Variants in SPRED1 observed in about 807,000 individuals in gnomAD.
SPRED1 encodes sprouty-related, EVH1 domain-containing protein 1.
SPRED1 carries 18 observed loss-of-function variants against 52.3 expected under a neutral mutation model. That is an observed-to-expected ratio of 0.34 (90% CI 0.24 to 0.51). The LOEUF is 0.51. Among genes scored for constraint, SPRED1 ranks in the 20% least tolerant of loss-of-function variants. The pLI is 0.97. For synonymous variants in SPRED1, 155 were observed against 179.7 expected, an observed-to-expected ratio of 0.86 and a Z score of 1.10; for missense variants, 485 against 551.0, an observed-to-expected ratio of 0.88 and a Z score of 1.20.
chr15:38,281,776 A>G (rs1048729176), intron 1 of SPRED1, among the ~76,000 whole-genome samples: 2 of 152,090 alleles, frequency 1.3e-5, no homozygotes, highest in African/African-American at 2.4e-5. Context: ...TTGTATAAAA[A>G]TATATAAAAT....
chr15:38,317,256 A>G (rs1895507525), intron 2 of SPRED1, among the ~76,000 whole-genome samples: 1 of 151,960 alleles, frequency 6.6e-6, no homozygotes, highest in East Asian at 1.9e-4. Flanking sequence ...GCTTCTGGCA[A>G]TGGCCTTTAG....
Position 38,349,484 on chromosome 15 carries a change from A to C in SPRED1, c.645A>C (p.Gln215His), listed in dbSNP as rs144227155. The change falls in exon 6 of 7, where the codon CAA (glutamine) becomes CAC (histidine). Residue 215 changes from glutamine to histidine, a missense_variant. Transcript: ENST00000299084. ...QSRSMEYVQR[Q>H]ISKECGSLKS... is the part of the protein sequence containing the mutation. ...GAAGTATGGAATACGTACAGCGGCA[A>C]ATATCCAAGGAATGTGGAAGCCTAA... The C allele has an allele frequency of 6.8e-6, 11 of 1,612,598 alleles. No homozygotes were observed. The African/African-American group carries it at 1.5e-4, about 22-fold the overall frequency.
chr15:38,276,048 G>C (rs1331588830), intron 1 of SPRED1, among the ~76,000 whole-genome samples: 1 of 152,038 alleles, frequency 6.6e-6, no homozygotes, highest in Non-Finnish European at 1.5e-5. Flanking sequence ...ATAGATTCAA[G>C]AAAATTATTT....
intron 5 of SPRED1, among the ~76,000 whole-genome samples, chr15:38,345,688 A>G (rs1476906969): frequency 3.3e-5 from 5 of 152,160 alleles, no homozygotes; most frequent in Non-Finnish European, 5.9e-5. Context: ...GTGGGTTTGC[A>G]TCCCAGCATT....
rs1784478874 is a variant in SPRED1, at chr15:38,353,470, G to A, written c.*1806G>A. 1 of 152,490 alleles carries A rather than the reference G, an allele frequency of 6.6e-6. No individual in the cohort carries two copies. Among genetic ancestry groups the A allele is most frequent in the African/African-American group, 2.4e-5 (1 of 41,438 alleles). 9.4% of individuals were successfully genotyped at this position (152,490 alleles called of 1,614,324 possible). Reference sequence around the variant, plus strand: ...TGATAACTATAGATGTTATGAAGAAGAGGGTATTTCTAGTTTTGTACTAAA... The same window carrying A: ...TGATAACTATAGATGTTATGAAGAAAAGGGTATTTCTAGTTTTGTACTAAA... On this transcript the variant is annotated 3_prime_UTR_variant, in exon 7 of 7. Transcript: ENST00000299084.
intron 1 of SPRED1, among the ~76,000 whole-genome samples, chr15:38,274,507 G>A (rs1894506714): frequency 6.6e-6 from 1 of 152,118 alleles, no homozygotes; most frequent in Admixed American, 6.5e-5. Context: ...TAGACCTACA[G>A]GAGTAAGAAA....
In SPRED1 at chr15:38,354,949, T is replaced by C. The variant is rs1383775384; in HGVS notation, c.*3285T>C. On this transcript the variant is annotated 3_prime_UTR_variant, in exon 7 of 7. Transcript: ENST00000299084. The stretch of plus-strand genomic sequence containing the variant: ...TCATGACAGCTTCAGAGAGTGTGTG[T>C]GTACGTTTTTCTCTCTTTTATTTGA... 6.6e-6 allele frequency: 1 copy of C among 152,266 alleles called. No individual in the cohort carries two copies. The highest frequency in any genetic ancestry group is 1.5e-5 in the Non-Finnish European group (1 of 68,110). The allele number at this position is 152,266 out of a possible 1,614,324, so 9.4% of individuals were successfully genotyped here.
chr15:38,298,168 A>G (rs913453722), intron 1 of SPRED1, among the ~76,000 whole-genome samples: 1 of 152,204 alleles, frequency 6.6e-6, no homozygotes, highest in Non-Finnish European at 1.5e-5. Flanking sequence ...GGATACCACT[A>G]TATACTCAAT....
At chr15:38,266,532 C>T (rs1041667271) in intron 1 of SPRED1, among the ~76,000 whole-genome samples, 6 of 152,088 alleles carry the variant, frequency 3.9e-5, no homozygotes, top group Non-Finnish European at 8.8e-5. Context: ...GTCCCAGCTA[C>T]TCGGGAGTCT....
At chr15:38,322,477 A>T in intron 3 of SPRED1, 68 bp downstream of exon 3, 4 of 1,556,156 alleles carry the variant, frequency 2.6e-6, no homozygotes, top group Non-Finnish European at 3.5e-6. Flanking sequence ...TCTTTCTTAA[A>T]GTTGACCCAA....
chr15:38,317,120 C>T (rs181606780), intron 2 of SPRED1, among the ~76,000 whole-genome samples: 22 of 151,918 alleles, frequency 1.4e-4, no homozygotes, highest in African/African-American at 4.3e-4. Context: ...TTCATTAATA[C>T]GATGGGGACC....
At chr15:38,253,878 A>C (rs1404579831) in intron 1 of SPRED1, among the ~76,000 whole-genome samples, 2 of 152,206 alleles carry the variant, frequency 1.3e-5, no homozygotes, top group Non-Finnish European at 2.9e-5. Flanking sequence ...AGAATTTTGA[A>C]TGCTAATTTT....
At chr15:38,267,073 TAC>T (rs1428003372) in intron 1 of SPRED1, among the ~76,000 whole-genome samples, 5 of 152,308 alleles carry the variant, frequency 3.3e-5, no homozygotes, top group African/African-American at 1.2e-4. Flanking sequence ...GAGCAATAAT[TAC>T]ATCAAAAGAA....
At chr15:38,331,991 A>G (rs1182366356) in intron 4 of SPRED1, among the ~76,000 whole-genome samples, 1 of 152,232 alleles carries the variant, frequency 6.6e-6, no homozygotes, top group South Asian at 2.1e-4. Context: ...GCTAAGTAAT[A>G]TATGACATAT....
chr15:38,306,217 A>G (rs1895247686), intron 2 of SPRED1, among the ~76,000 whole-genome samples: 1 of 152,076 alleles, frequency 6.6e-6, no homozygotes, highest in Admixed American at 6.6e-5. Context: ...GTATTTCCTT[A>G]CTGAGTTACT....
intron 1 of SPRED1, among the ~76,000 whole-genome samples, chr15:38,290,579 A>G (rs1483765999): frequency 1.3e-5 from 2 of 152,208 alleles, no homozygotes; most frequent in Non-Finnish European, 2.9e-5. Flanking sequence ...GACTGGGAAC[A>G]AAAAGAGGTT....
chr15:38,278,602 A>G (rs1308841078), intron 1 of SPRED1, among the ~76,000 whole-genome samples: 1 of 152,234 alleles, frequency 6.6e-6, no homozygotes, highest in Non-Finnish European at 1.5e-5. Flanking sequence ...ACCAAATACC[A>G]GAATCTATGG....
At chr15:38,300,792 G>A (rs184289411) in intron 2 of SPRED1, among the ~76,000 whole-genome samples, 165 of 152,198 alleles carry the variant, frequency 1.1e-3, no homozygotes, top group African/African-American at 3.6e-3. Context: ...TTTTAAAGGT[G>A]GTCTGGCCTT....
At chr15:38,292,584 A>C (rs1459760068) in intron 1 of SPRED1, among the ~76,000 whole-genome samples, 2 of 152,180 alleles carry the variant, frequency 1.3e-5, no homozygotes, top group Non-Finnish European at 2.9e-5. Context: ...ATGAAGAAGC[A>C]AAAGCAGAAG....
Sources: gnomAD v4.1 joint callset for allele counts (sites outside exome capture counted in the v4.1 genomes callset) on GRCh38, gnomAD v4.1.1 for gene constraint, MANE v1.5 for transcripts, NCBI Gene and HGNC (gene_info 2026-07-23, HGNC 2026-07-21) for gene names.